The following SLC6A5 variants were observed in gnomAD, a reference collection of about 807,000 sequenced individuals.
SLC6A5 encodes solute carrier family 6 member 5.
Under a neutral mutation model 90.5 loss-of-function variants are expected in SLC6A5, and 58 were observed. That is an observed-to-expected ratio of 0.64 (90% CI 0.52 to 0.80). The LOEUF is 0.80. Among genes scored for constraint, SLC6A5 ranks in the 30% least tolerant of loss-of-function variants. The probability of loss-of-function intolerance (pLI) is 0.00; values close to 1 mark genes in which losing one functional copy is unlikely to be tolerated. For synonymous variants in SLC6A5, 427 were observed against 401.4 expected, an observed-to-expected ratio of 1.06 and a Z score of -0.76; for missense variants, 1,015 against 1,017.6, an observed-to-expected ratio of 1.00 and a Z score of 0.03.
chr11:20,627,487 T>C (rs181951091), intron 8 of SLC6A5, among the ~76,000 whole-genome samples: 10 of 152,306 alleles, frequency 6.6e-5, no homozygotes, highest in Admixed American at 6.5e-4. Flanking sequence ...AGTCTCCACT[T>C]AATAGCAGGT....
At chr11:20,624,706 A>G (rs1048836704) in intron 7 of SLC6A5, among the ~76,000 whole-genome samples, 20 of 152,142 alleles carry the variant, frequency 1.3e-4, no homozygotes, top group African/African-American at 4.1e-4. Context: ...CCGTCACCCC[A>G]TGGATCCCGA....
intron 6 of SLC6A5, 81 bp from the exon 7 acceptor site, chr11:20,617,671 T>G: frequency 2.4e-6 from 3 of 1,260,818 alleles, no homozygotes; most frequent in Non-Finnish European, 3.5e-6. Flanking sequence ...CTGGCTCTAC[T>G]GGAGGCTTAA....
At chr11:20,615,184 G>A (rs1852762008) in intron 6 of SLC6A5, among the ~76,000 whole-genome samples, 1 of 152,140 alleles carries the variant, frequency 6.6e-6, no homozygotes, top group African/African-American at 2.4e-5. Flanking sequence ...GTCATGTTCA[G>A]AGCTTTAGTG....
intron 3 of SLC6A5, among the ~76,000 whole-genome samples, chr11:20,605,438 A>G (rs1355796862): frequency 6.6e-6 from 1 of 152,224 alleles, no homozygotes; most frequent in Non-Finnish European, 1.5e-5. Flanking sequence ...AAATTAGGAC[A>G]CTTTGACAAG....
At chr11:20,647,503 C>T (rs1853443846) in intron 14 of SLC6A5, among the ~76,000 whole-genome samples, 1 of 137,284 alleles carries the variant, frequency 7.3e-6, no homozygotes. Flanking sequence ...ATAAATGTTC[C>T]TATGGAACAT....
chr11:20,653,816 C>T (rs1853584836), intron 15 of SLC6A5, among the ~76,000 whole-genome samples: 1 of 152,188 alleles, frequency 6.6e-6, no homozygotes, highest in Non-Finnish European at 1.5e-5. Flanking sequence ...TGAATAGAAC[C>T]TGGTTTAGCC....
At position 20,607,563 on chromosome 11, in the gene SLC6A5, T is replaced by G; in HGVS notation, c.896T>G (p.Phe299Cys). Residue 299 changes from phenylalanine (F) to cysteine (C), a missense_variant, in exon 5 of 16, where the codon TTT becomes TGT. Phe to Cys is a radical substitution (Grantham distance 205). Around this residue, in one of 3 missense-constraint regions of SLC6A5, gnomAD observed 567 missense variants for 507.3 expected, o/e 1.12. Transcript: ENST00000525748. ...ATTTGCTATACACTTTTCTACCTGTTTGCCTCCTTTGTGTCTGTACTACCC... is the reference window on the plus strand; with the variant it reads ...ATTTGCTATACACTTTTCTACCTGTGTGCCTCCTTTGTGTCTGTACTACCC... Reference protein sequence around the residue: ...VIICYTLFYLFASFVSVLPWG... With the variant: ...VIICYTLFYLCASFVSVLPWG... 2.5e-6 allele frequency: 4 copies of G among 1,614,146 alleles called. No individual in the cohort carries two copies. Among genetic ancestry groups the G allele is most frequent in the Non-Finnish European group, 3.4e-6 (4 of 1,179,972 alleles).
chr11:20,650,564 A>T (rs1853504902), intron 14 of SLC6A5, among the ~76,000 whole-genome samples: 2 of 151,922 alleles, frequency 1.3e-5, no homozygotes, highest in Non-Finnish European at 2.9e-5. Context: ...AGTCTGTGAC[A>T]TAAAGGTCCC....
intron 7 of SLC6A5, among the ~76,000 whole-genome samples, chr11:20,621,044 C>A (rs1394914278): frequency 5.9e-5 from 9 of 152,142 alleles, no homozygotes; most frequent in Admixed American, 6.5e-5. Context: ...CTCAGGTGAT[C>A]CCCCTACCTT....
rs1818137559 is a variant in SLC6A5 at position 20,655,167 on chromosome 11, G to T, written c.*299G>T. 1 of 407,662 alleles carries T rather than the reference G, an allele frequency of 2.5e-6. No homozygotes were observed. Among genetic ancestry groups the T allele is most frequent in the Non-Finnish European group, 4.7e-6 (1 of 214,356 alleles). 25.3% of individuals were successfully genotyped at this position (407,662 alleles called of 1,614,324 possible). ...GGATCAGTTAGGTGAGCACTGGTAG[G>T]TATGCGTGGTTTTGTCAATAGAGAG... On this transcript the variant is annotated 3_prime_UTR_variant, in exon 16 of 16. Transcript: ENST00000525748.
intron 6 of SLC6A5, among the ~76,000 whole-genome samples, chr11:20,616,946 C>G (rs1227583477): frequency 6.6e-6 from 1 of 152,230 alleles, no homozygotes; most frequent in African/African-American, 2.4e-5. Context: ...AACCTACAAA[C>G]ACAGCAGTTT....
chr11:20,606,025 C>T (rs1852574024), intron 3 of SLC6A5, among the ~76,000 whole-genome samples: 1 of 152,248 alleles, frequency 6.6e-6, no homozygotes, highest in Non-Finnish European at 1.5e-5. Context: ...TCAGTTTTCC[C>T]TCCGCTGAGG....
intron 6 of SLC6A5, among the ~76,000 whole-genome samples, chr11:20,615,094 T>G (rs1852760953): frequency 6.6e-6 from 1 of 152,234 alleles, no homozygotes; most frequent in African/African-American, 2.4e-5. Flanking sequence ...CAGTGTGATC[T>G]AAGTGGACTG....
At chr11:20,607,901 A>G (rs1456021718) in intron 5 of SLC6A5, among the ~76,000 whole-genome samples, 2 of 152,224 alleles carry the variant, frequency 1.3e-5, no homozygotes, top group Non-Finnish European at 2.9e-5. Context: ...GCAGGTTCAC[A>G]GGCCCACAAG....
Position 20,636,310 on chromosome 11 carries a change from C to A in SLC6A5, c.1628C>A (p.Pro543Gln). The A allele has an allele frequency of 6.2e-7, 1 of 1,604,196 alleles. No individual in the cohort carries two copies. Among genetic ancestry groups the A allele is most frequent in the Non-Finnish European group, 8.5e-7 (1 of 1,170,916 alleles). The part of the protein sequence containing the change: ...VNIENVADQG[P>Q]GIAFVVYPEA... ...TCATCTGTCTTGTTCCTTCCAGGGC[C>A]AGGCATTGCATTTGTGGTTTACCCG... Residue 543 changes from proline to glutamine, a missense_variant, in exon 11 of 16, where the codon CCA becomes CAA. Around this residue, in one of 3 missense-constraint regions of SLC6A5, gnomAD observed 442 missense variants for 494.3 expected, o/e 0.89. Transcript: ENST00000525748.
chr11:20,620,129 G>A (rs1852862161), intron 7 of SLC6A5, among the ~76,000 whole-genome samples: 1 of 152,154 alleles, frequency 6.6e-6, no homozygotes, highest in South Asian at 2.1e-4. Context: ...CTTATGGCTA[G>A]AAATGGAGAC....
chr11:20,636,919 T>A (rs566176761), intron 11 of SLC6A5, among the ~76,000 whole-genome samples: 1 of 152,220 alleles, frequency 6.6e-6, no homozygotes, highest in East Asian at 1.9e-4. Flanking sequence ...TAAACTGTCC[T>A]AATGGGTGAA....
chr11:20,615,492 C>T (rs929428266), intron 6 of SLC6A5, among the ~76,000 whole-genome samples: 2 of 152,200 alleles, frequency 1.3e-5, no homozygotes, highest in East Asian at 3.9e-4. Flanking sequence ...CTCAGCCTCC[C>T]GAGGAGCTGG....
intron 5 of SLC6A5, among the ~76,000 whole-genome samples, chr11:20,614,407 A>T (rs1267782432): frequency 1.3e-5 from 2 of 152,212 alleles, no homozygotes; most frequent in Non-Finnish European, 2.9e-5. Context: ...AATGCATGCA[A>T]AATACTTGCC....
Sources: gnomAD v4.1 joint callset for allele counts (sites outside exome capture counted in the v4.1 genomes callset) on GRCh38, gnomAD v4.1.1 for gene constraint, gnomAD v4.1.1 regional missense constraint, MANE v1.5 for transcripts, NCBI Gene and HGNC (gene_info 2026-07-23, HGNC 2026-07-21) for gene names.